The following MROH6 variants were observed in gnomAD, a reference collection of about 807,000 sequenced individuals.
MROH6 encodes maestro heat-like repeat-containing protein family member 6.
A neutral mutation model predicts 67.7 loss-of-function variants in MROH6; 62 were observed. The observed-to-expected ratio is 0.92, with a 90% confidence interval of 0.75 to 1.13. The LOEUF is 1.13. MROH6 is among the 50% of genes most tolerant of loss of function. MROH6 has a pLI of 0.00. For missense variants in MROH6, 1,175 were observed against 1,029.1 expected (o/e 1.14, Z -1.94); for synonymous variants, 566 against 470.8 (o/e 1.20, Z -2.62).
intron 10 of MROH6, 83 bp from the exon 11 acceptor site, chr8:143,568,344 A>G: frequency 6.6e-7 from 1 of 1,510,732 alleles, no homozygotes; most frequent in Non-Finnish European, 8.9e-7. Flanking sequence ...GAGCAAGGGC[A>G]TCGGGTGAGG....
chr8:143,569,660 G>A, intron 8 of MROH6, 37 bp downstream of exon 8: 1 of 1,606,274 alleles, frequency 6.2e-7, no homozygotes, highest in South Asian at 1.1e-5. Flanking sequence ...GCCGCGACCG[G>A]GCCAAGCCCC....
At chr8:143,568,089 C>A in intron 11 of MROH6, 53 bp downstream of exon 11, 1 of 1,547,600 alleles carries the variant, frequency 6.5e-7, no homozygotes, top group East Asian at 2.4e-5. Flanking sequence ...AACCCTGGAA[C>A]AAGTGGGCTG....
Position 143,567,163 on chromosome 8 carries a change from G to A in MROH6, c.*76C>T, listed in dbSNP as rs1311477667. On this transcript the variant is annotated 3_prime_UTR_variant, in exon 14 of 14. Transcript: ENST00000398882. ...AGCACCAGGCCCAGGGAGCCCCTCC[G>A]TCAGGGCGGGGACAGGCTGCTATGC... is the stretch of plus-strand genomic sequence containing the variant. 6 of 850,020 alleles carry A rather than the reference G, an allele frequency of 7.1e-6. No individual in the cohort carries two copies. The highest frequency in any genetic ancestry group is 1.8e-5 in the African/African-American group (1 of 56,562). The allele number at this position is 850,020 out of a possible 1,614,324, so 52.7% of individuals were successfully genotyped here. A position where few individuals can be genotyped will look rare whatever the true frequency, so the allele number is the denominator to read the frequency against.
At position 143,570,316 on chromosome 8, in the gene MROH6, T is replaced by A. The variant is rs1382466340; in HGVS notation, c.970A>T (p.Met324Leu). The A allele has an allele frequency of 1.2e-6, 2 of 1,609,768 alleles. No individual in the cohort carries two copies. The highest frequency in any genetic ancestry group is 1.7e-6 in the Non-Finnish European group (2 of 1,179,662). ...GDGGRMVVTC[M>L]EQAGGWRRLV... is the part of the protein sequence containing the mutation. The stretch of plus-strand genomic sequence containing the variant: ...CTCCTCCAGCCTCCTGCCTGCTCCA[T>A]GCACGTGACCACCATGCGGCCTCCA... Residue 324 changes from methionine (M) to leucine (L), a missense_variant, in exon 6 of 14, where the codon ATG (methionine) becomes TTG (leucine). Coordinates refer to ENST00000398882, the MANE Select transcript of MROH6 (RefSeq NM_001100878.2).
At chr8:143,571,059 T>A in intron 3 of MROH6, 65 bp from the exon 4 acceptor site, 1 of 1,389,538 alleles carries the variant, frequency 7.2e-7, no homozygotes. Flanking sequence ...ATGTAGGGAG[T>A]CCCCAGCCAG....
At position 143,569,914 on chromosome 8, in the gene MROH6, G is replaced by C. The variant is rs769716035; in HGVS notation, c.1158+37C>G. On this transcript the variant is annotated intron_variant, in intron 7 of 13. Coordinates refer to ENST00000398882, the MANE Select transcript of MROH6 (RefSeq NM_001100878.2). Reference sequence around the variant, plus strand: ...GCTGCGATTCAGGGATCAAGTCCAGGGTCACCCTTCACCACCCATCCGGGA... The same window carrying C: ...GCTGCGATTCAGGGATCAAGTCCAGCGTCACCCTTCACCACCCATCCGGGA... 5.0e-6 allele frequency: 8 copies of C among 1,611,698 alleles called. No individual in the cohort carries two copies. In the East Asian group the frequency reaches 1.6e-4, roughly 31 times the overall value.
intron 7 of MROH6, 54 bp from the exon 8 acceptor site, chr8:143,569,894 G>A: frequency 1.2e-6 from 2 of 1,610,440 alleles, no homozygotes; most frequent in Non-Finnish European, 1.7e-6. Context: ...AGGCCGCTGC[G>A]ATTCAGGGAT....
intron 6 of MROH6, 23 bp downstream of exon 6, chr8:143,570,220 G>A (rs1481362499): frequency 5.8e-6 from 7 of 1,203,746 alleles, no homozygotes; most frequent in East Asian, 2.4e-5. Flanking sequence ...TGACACCCTG[G>A]GGCCCCTCCT....
rs1292373749 is a variant in MROH6, at chr8:143,569,704, C to T, written c.1295G>A (p.Arg432His). Reference protein sequence around the residue: ...LLGLGHLALNRRKVRHVSTLL... With the variant: ...LLGLGHLALNHRKVRHVSTLL... The stretch of plus-strand genomic sequence containing the variant: ...CCTCCCCTTCTCTCACACCTTCCTG[C>T]GATTCAGCGCGAGGTGGCCCAGGCC... The change falls in exon 8 of 14, where the codon CGC becomes CAC. Residue 432 changes from arginine (R) to histidine (H), a missense_variant. By Grantham distance (29) the Arg-to-His change is conservative (BLOSUM62 0). Coordinates refer to ENST00000398882, the MANE Select transcript of MROH6 (RefSeq NM_001100878.2). The T allele has an allele frequency of 4.3e-6, 7 of 1,612,772 alleles. No individual in the cohort carries two copies. Among genetic ancestry groups the T allele is most frequent in the Non-Finnish European group, 5.9e-6 (7 of 1,179,444 alleles).
chr8:143,571,136 CCAA>C, intron 3 of MROH6, 142 bp from the exon 4 acceptor site: 1 of 642,732 alleles, frequency 1.6e-6, no homozygotes, highest in South Asian at 1.9e-5. Flanking sequence ...CCCCCCATCC[CCAA>C]ATCTCAGAGA....
rs1823671726 is a variant in MROH6 at position 143,567,356 on chromosome 8, G to A, written c.2043C>T (p.Pro681=). ...GGCGCGGGGCGATGCGGAGAAGGCG[G>A]GGCCCGCGGGGGCAGCCCCGGGCAC... The part of the protein sequence containing the change: ...LARARGCPRG[P]RLLRIAPRPA... The change falls in exon 14 of 14, where the codon CCC becomes CCT. Residue 681 remains proline (P), a synonymous_variant. Transcript: ENST00000398882. 3.3e-6 allele frequency: 4 copies of A among 1,221,382 alleles called. No individual in the cohort carries two copies. The South Asian group carries it at 1.2e-4, about 36-fold the overall frequency. The allele number at this position is 1,221,382 out of a possible 1,614,324, so 75.7% of individuals were successfully genotyped here.
At chr8:143,571,061 C>T in intron 3 of MROH6, 67 bp from the exon 4 acceptor site, 1 of 1,379,344 alleles carries the variant, frequency 7.2e-7, no homozygotes, top group East Asian at 2.5e-5. Flanking sequence ...GTAGGGAGTC[C>T]CCAGCCAGGG....
At position 143,568,006 on chromosome 8, in the gene MROH6, C is replaced by T. The variant is rs35259289; in HGVS notation, c.1765-118G>A. The stretch of plus-strand genomic sequence containing the variant: ...GAGCCCCCAGGGCAGGTGGCATGGT[C>T]GGAGACCTTGGACTTGCCCCACCAG... On this transcript the variant is annotated intron_variant, in intron 11 of 13. Transcript: ENST00000398882. 2,468 of 1,449,834 alleles carry T rather than the reference C, an allele frequency of 1.7e-3. 25 individuals carry two copies. The African/African-American group carries it at 0.031, about 18-fold the overall frequency. 89.8% of individuals were successfully genotyped at this position (1,449,834 alleles called of 1,614,324 possible). A position where few individuals can be genotyped will look rare whatever the true frequency, so the allele number is the denominator to read the frequency against.
At position 143,572,534 on chromosome 8, in the gene MROH6, G is replaced by A. The variant is rs1563923303; in HGVS notation, c.181C>T (p.Leu61Phe). 5.6e-6 allele frequency: 9 copies of A among 1,606,414 alleles called. No individual in the cohort carries two copies. The highest frequency in any genetic ancestry group is 1.1e-5 in the South Asian group (1 of 90,080). ...KPEAEPQTQALTAPSEAEPGR... is the reference protein window; with the variant it reads ...KPEAEPQTQAFTAPSEAEPGR... The stretch of plus-strand genomic sequence containing the variant: ...GGCTCTGCCTCAGAGGGGGCGGTGA[G>A]TGCCTGGGTCTGTGGCTCAGCCTCA... The change falls in exon 1 of 14, where the codon CTC becomes TTC. Residue 61 changes from leucine to phenylalanine, a missense_variant. Leu to Phe is a conservative substitution (Grantham distance 22). Coordinates refer to ENST00000398882, the MANE Select transcript of MROH6 (RefSeq NM_001100878.2).
Position 143,568,650 on chromosome 8 carries a change from G to A in MROH6, c.1546C>T (p.Leu516Phe). ...GTLVRRGRGG[L>F]RLGLRGPLRK... is the part of the protein sequence containing the mutation. ...AGGGGGCCGCGGAGCCCCAGCCGGA[G>A]CCCGCCCCGGCCCCGGCGCACCAGA... Residue 516 changes from leucine to phenylalanine, a missense_variant, in exon 10 of 14, where the codon CTC (leucine) becomes TTC (phenylalanine). Leu to Phe is a conservative substitution (Grantham distance 22). Transcript: ENST00000398882. The A allele has an allele frequency of 6.5e-7, 1 of 1,532,842 alleles. No individual in the cohort carries two copies. The highest frequency in any genetic ancestry group is 8.7e-7 in the Non-Finnish European group (1 of 1,144,838). 95.0% of individuals were successfully genotyped at this position (1,532,842 alleles called of 1,614,324 possible).
In MROH6 at chr8:143,568,609, C is replaced by T; in HGVS notation, c.1587G>A (p.Leu529=). ...GCAGCAGCAGCGGCACGAGACTCTG[C>T]AGCACCAGCTTCCGCAGGGGGCCGC... ...GLRGPLRKLV[L]QSLVPLLLRL... is the part of the protein sequence containing the mutation. Residue 529 remains leucine (L), a synonymous_variant, in exon 10 of 14, where the codon CTG becomes CTA. Coordinates refer to ENST00000398882, the MANE Select transcript of MROH6 (RefSeq NM_001100878.2). 1 of 1,545,716 alleles carries T rather than the reference C, an allele frequency of 6.5e-7. No homozygotes were observed. Among genetic ancestry groups the T allele is most frequent in the Non-Finnish European group, 8.7e-7 (1 of 1,152,504 alleles).
At chr8:143,570,786 C>G in intron 4 of MROH6, 91 bp downstream of exon 4, 2 of 1,409,708 alleles carry the variant, frequency 1.4e-6, no homozygotes, top group South Asian at 2.6e-5. Context: ...GGAGCAGTTA[C>G]CTAGGTGCAA....
intron 2 of MROH6, 63 bp downstream of exon 2, chr8:143,571,970 T>C (rs1475013413): frequency 4.0e-5 from 59 of 1,458,588 alleles, no homozygotes; most frequent in Non-Finnish European, 5.2e-5. Flanking sequence ...TCCAGGCCCC[T>C]CCCACCACCT....
chr8:143,569,381 G>A, intron 9 of MROH6, 60 bp downstream of exon 9: 1 of 1,353,560 alleles, frequency 7.4e-7, no homozygotes, highest in South Asian at 1.6e-5. Context: ...GGGAGAGACT[G>A]GAAGGGCGGG....
Sources: allele counts gnomAD v4.1 joint callset, GRCh38; gene constraint gnomAD v4.1.1; transcripts MANE v1.5; gene names NCBI Gene and HGNC (gene_info 2026-07-23, HGNC 2026-07-21).